The following TTC17 variants were observed in gnomAD, a reference collection of about 807,000 sequenced individuals.
The protein encoded by TTC17 is tetratricopeptide repeat domain 17.
In TTC17, 58 loss-of-function variants were observed where a neutral mutation model predicts 143.8. That is an observed-to-expected ratio of 0.40 (90% confidence interval 0.33 to 0.50). TTC17 has a LOEUF of 0.50. Ranked by LOEUF, TTC17 falls within the 20% of genes least tolerant of loss-of-function variation. TTC17 has a pLI of 0.49. For synonymous variants in TTC17, 501 were observed against 497.8 expected (o/e 1.01, Z -0.09); for missense variants, 1,273 against 1,392.5 (o/e 0.91, Z 1.37).
intron 1 of TTC17, among the ~76,000 whole-genome samples, chr11:43,363,315 A>G (rs1856191421): frequency 6.6e-6 from 1 of 152,154 alleles, no homozygotes; most frequent in Non-Finnish European, 1.5e-5. Context: ...ACTTGCATCA[A>G]AGGTTAAACT....
At chr11:43,441,568 A>G (rs1231878468) in intron 16 of TTC17, among the ~76,000 whole-genome samples, 2 of 152,130 alleles carry the variant, frequency 1.3e-5, no homozygotes, top group African/African-American at 2.4e-5. Context: ...TAGGCTGTCA[A>G]TAAAGTTTGG....
At chr11:43,384,144 CA>C (rs11299211) in intron 2 of TTC17, among the ~76,000 whole-genome samples, 116,483 of 139,278 alleles carry the variant, frequency 0.84, 48,352 homozygotes, top group East Asian at 0.95. Flanking sequence ...GACCCTGTCT[CA>C]AAAAAAAAAA....
intron 1 of TTC17, among the ~76,000 whole-genome samples, chr11:43,363,016 A>C (rs1177444650): frequency 6.6e-6 from 1 of 152,106 alleles, no homozygotes; most frequent in East Asian, 1.9e-4. Context: ...CTGATGCCCT[A>C]GTGTCTGTCG....
At chr11:43,367,746 G>C (rs1004572834) in intron 1 of TTC17, among the ~76,000 whole-genome samples, 22 of 139,446 alleles carry the variant, frequency 1.6e-4, no homozygotes, top group Non-Finnish European at 2.4e-4. Context: ...GTGTGTGTGT[G>C]TCTCTTTTAC....
At chr11:43,393,127 C>T (rs1444376059) in intron 5 of TTC17, among the ~76,000 whole-genome samples, 1 of 152,118 alleles carries the variant, frequency 6.6e-6, no homozygotes. Context: ...GTAGTTCTCC[C>T]GACATCAACT....
At position 43,407,565 on chromosome 11, in the gene TTC17, C is replaced by G. The variant is rs779674540; in HGVS notation, c.2052C>G (p.Ile684Met). ...AGCTGCTACTTCAAGCTTTGGCCATCAATAGCTCTGAGGTGAGGTTTTAAG... is the reference window on the plus strand; with the variant it reads ...AGCTGCTACTTCAAGCTTTGGCCATGAATAGCTCTGAGGTGAGGTTTTAAG... ...ATKLLLQALA[I>M]NSSEPLTFLS... Residue 684 changes from isoleucine to methionine, a missense_variant, in exon 15 of 24, where the codon ATC becomes ATG. Ile to Met is a conservative substitution (Grantham distance 10, BLOSUM62 1). This residue lies in a region of TTC17 where 878 missense variants were observed against 899.8 expected (regional missense o/e 0.98). Coordinates refer to ENST00000039989, the MANE Select transcript of TTC17 (RefSeq NM_018259.6). The G allele has an allele frequency of 6.2e-7, 1 of 1,613,818 alleles. No individual in the cohort carries two copies. The highest frequency in any genetic ancestry group is 1.1e-5 in the South Asian group (1 of 91,046).
At chr11:43,443,988 G>C in intron 17 of TTC17, 68 bp from the exon 18 acceptor site, 4 of 1,499,748 alleles carry the variant, frequency 2.7e-6, no homozygotes, top group South Asian at 2.8e-5. Context: ...TCTTAAACTA[G>C]TATTCACAAA....
chr11:43,484,803 G>T (rs1460573051), intron 21 of TTC17, among the ~76,000 whole-genome samples: 1 of 152,160 alleles, frequency 6.6e-6, no homozygotes, highest in African/African-American at 2.4e-5. Context: ...CCACGGATGG[G>T]TACTGGTCTG....
At chr11:43,448,248 T>C in intron 19 of TTC17, 126 bp downstream of exon 19, 3 of 1,332,710 alleles carry the variant, frequency 2.3e-6, no homozygotes, top group Non-Finnish European at 3.0e-6. Context: ...TTTCAAAGGA[T>C]GACCATGCTG....
At chr11:43,405,384 T>C (rs1858069869) in intron 11 of TTC17, 130 bp from the exon 12 acceptor site, 2 of 712,056 alleles carry the variant, frequency 2.8e-6, no homozygotes, top group Non-Finnish European at 4.7e-6. Flanking sequence ...AGGAATATTA[T>C]AGAGTCTACC....
chr11:43,411,706 A>G (rs1858422074), intron 15 of TTC17, among the ~76,000 whole-genome samples: 1 of 152,192 alleles, frequency 6.6e-6, no homozygotes, highest in Non-Finnish European at 1.5e-5. Flanking sequence ...ATTTTGTCAT[A>G]GGGATAATTA....
intron 16 of TTC17, among the ~76,000 whole-genome samples, chr11:43,422,684 T>C (rs558033620): frequency 6.6e-6 from 1 of 152,280 alleles, no homozygotes; most frequent in African/African-American, 2.4e-5. Flanking sequence ...ACCAGCATGC[T>C]ATATCCTGAG....
intron 3 of TTC17, among the ~76,000 whole-genome samples, 197 bp from the exon 4 acceptor site, chr11:43,391,268 G>A (rs1180702296): frequency 6.6e-6 from 1 of 152,082 alleles, no homozygotes; most frequent in East Asian, 1.9e-4. Flanking sequence ...TTGTGGTGGT[G>A]CATGCCTGTT....
chr11:43,400,411 CCTG>C (rs1857802141), intron 9 of TTC17, among the ~76,000 whole-genome samples: 1 of 152,040 alleles, frequency 6.6e-6, no homozygotes, highest in African/African-American at 2.4e-5. Context: ...TGAATTGAGG[CCTG>C]AGAGTCTGCC....
At chr11:43,414,539 C>T (rs777271436) in intron 15 of TTC17, 51 bp from the exon 16 acceptor site, 1 of 1,558,460 alleles carries the variant, frequency 6.4e-7, no homozygotes, top group African/African-American at 1.4e-5. Flanking sequence ...TTTTGTAACT[C>T]CCAGAAAATA....
chr11:43,394,443 GA>G (rs1382729705), intron 5 of TTC17, among the ~76,000 whole-genome samples: 1 of 152,218 alleles, frequency 6.6e-6, no homozygotes, highest in East Asian at 1.9e-4. Context: ...AGTAGTTCAA[GA>G]GAGAGATGAA....
Position 43,405,881 on chromosome 11 carries a change from C to A in TTC17, c.1691C>A (p.Ser564Tyr). Residue 564 changes from serine to tyrosine, a missense_variant, in exon 13 of 24, where the codon TCC becomes TAC. By Grantham distance (144) the Ser-to-Tyr change is moderately radical. This residue lies in a region of TTC17 where 878 missense variants were observed against 899.8 expected (regional missense o/e 0.98). Coordinates refer to ENST00000039989, the MANE Select transcript of TTC17 (RefSeq NM_018259.6). ...ITDFRKSHTL[S>Y]YLVKELEVRM... ...GACTTCAGAAAAAGCCACACTCTGT[C>A]CTACTTAGTCAAAGAATTAGAGGTT... 1 of 1,614,038 alleles carries A rather than the reference C, an allele frequency of 6.2e-7. No homozygotes were observed. The highest frequency in any genetic ancestry group is 8.5e-7 in the Non-Finnish European group (1 of 1,179,948).
At chr11:43,404,178 C>T (rs747285190) in intron 11 of TTC17, 34 bp downstream of exon 11, 1 of 1,583,302 alleles carries the variant, frequency 6.3e-7, no homozygotes, top group South Asian at 1.2e-5. Context: ...GCAGTTTTCT[C>T]AAACTGGCAA....
chr11:43,417,166 G>A (rs1032303891), intron 16 of TTC17, among the ~76,000 whole-genome samples: 5 of 151,974 alleles, frequency 3.3e-5, no homozygotes, highest in Non-Finnish European at 7.4e-5. Flanking sequence ...CTGACTTGTA[G>A]CTTTGAAAAG....
Sources: allele counts gnomAD v4.1 joint callset (sites outside exome capture counted in the v4.1 genomes callset), GRCh38; gene constraint gnomAD v4.1.1; regional missense constraint gnomAD v4.1.1; transcripts MANE v1.5; gene names NCBI Gene and HGNC (gene_info 2026-07-23, HGNC 2026-07-21).